The following SLMAP variants were observed in gnomAD, a reference collection of about 807,000 sequenced individuals.
The protein encoded by SLMAP is sarcolemmal membrane-associated protein.
A neutral mutation model predicts 128.8 loss-of-function variants in SLMAP; 44 were observed. The observed-to-expected ratio is 0.34, with a 90% confidence interval of 0.27 to 0.44. The LOEUF (loss-of-function observed/expected upper bound fraction) is 0.44. Among genes scored for constraint, SLMAP ranks in the 20% least tolerant of loss-of-function variants. The pLI is 1.00. For missense variants in SLMAP, 787 were observed against 985.3 expected (o/e 0.80, Z 2.69); for synonymous variants, 327 against 348.8 (o/e 0.94, Z 0.70).
intron 14 of SLMAP, among the ~76,000 whole-genome samples, chr3:57,887,675 A>C (rs2095933375): frequency 6.6e-6 from 1 of 152,218 alleles, no homozygotes; most frequent in Non-Finnish European, 1.5e-5. Flanking sequence ...CACAGCTTCT[A>C]GAGTTCCTGT....
chr3:57,860,962 G>T, intron 9 of SLMAP, 123 bp downstream of exon 9: 1 of 802,560 alleles, frequency 1.2e-6, no homozygotes, highest in East Asian at 3.2e-5. Flanking sequence ...TGTCTGTCAG[G>T]TGGGAAGGAA....
At chr3:57,921,664 G>A (rs763254508) in intron 22 of SLMAP, among the ~76,000 whole-genome samples, 2 of 152,066 alleles carry the variant, frequency 1.3e-5, no homozygotes, top group African/African-American at 2.4e-5. Context: ...AATTTCTACC[G>A]AAAACAGAAT....
intron 4 of SLMAP, among the ~76,000 whole-genome samples, chr3:57,844,218 C>T (rs1190417605): frequency 1.3e-5 from 2 of 152,120 alleles, no homozygotes; most frequent in East Asian, 3.9e-4. Flanking sequence ...CAGGGCAAAA[C>T]CCCGTCTCTA....
At chr3:57,922,836 C>T in intron 22 of SLMAP, 53 bp from the exon 23 acceptor site, 3 of 1,550,410 alleles carry the variant, frequency 1.9e-6, no homozygotes, top group Non-Finnish European at 1.8e-6. Flanking sequence ...AGAACCATAA[C>T]ATCATACCCA....
At chr3:57,795,744 AGTGTTGT>A (rs987326615) in intron 2 of SLMAP, among the ~76,000 whole-genome samples, 1 of 152,072 alleles carries the variant, frequency 6.6e-6, no homozygotes, top group Non-Finnish European at 1.5e-5. Flanking sequence ...GTACATTCAC[AGTGTTGT>A]GTAACTATAA....
At position 57,907,615 on chromosome 3, in the gene SLMAP, CTGTT is replaced by C. The variant is rs111846061; in HGVS notation, c.1502-267_1502-264del. Among the ~76,000 whole-genome samples the C allele has an allele frequency of 3.3e-3, 498 of 152,222 alleles. 3 individuals carry two copies. Among genetic ancestry groups the C allele is most frequent in the African/African-American group, 0.011 (470 of 41,526 alleles). On this transcript the variant is annotated intron_variant, in intron 17 of 24. Coordinates refer to ENST00000671191, the MANE Select transcript of SLMAP (RefSeq NM_001377540.1). ...GCAATGAGTTATAATCTGTCACTGTCTGTTTATTTTGATGCTAGAATTGTGAATA... is the reference window on the plus strand; with the variant it reads ...GCAATGAGTTATAATCTGTCACTGTCTATTTTGATGCTAGAATTGTGAATA...
At chr3:57,923,764 G>A (rs1299375972) in intron 23 of SLMAP, among the ~76,000 whole-genome samples, 2 of 152,170 alleles carry the variant, frequency 1.3e-5, no homozygotes, top group Non-Finnish European at 2.9e-5. Context: ...TCCTATGGAG[G>A]AAGCCACTTC....
At chr3:57,879,241 A>G (rs890786192) in intron 14 of SLMAP, among the ~76,000 whole-genome samples, 1 of 152,218 alleles carries the variant, frequency 6.6e-6, no homozygotes, top group Non-Finnish European at 1.5e-5. Flanking sequence ...TTAGTACATA[A>G]TTTATTTCTG....
intron 10 of SLMAP, among the ~76,000 whole-genome samples, chr3:57,863,535 C>T (rs558323591): frequency 6.6e-6 from 1 of 152,312 alleles, no homozygotes; most frequent in Non-Finnish European, 1.5e-5. Context: ...GTTCTGCAGG[C>T]TGAAGCTTCA....
At chr3:57,909,699 G>C (rs1226538139) in intron 19 of SLMAP, among the ~76,000 whole-genome samples, 2 of 151,002 alleles carry the variant, frequency 1.3e-5, no homozygotes, top group African/African-American at 2.4e-5. Flanking sequence ...TGCAACCTCC[G>C]CCTCCCAGGT....
At chr3:57,924,838 C>T (rs949403283) in intron 23 of SLMAP, among the ~76,000 whole-genome samples, 2 of 151,656 alleles carry the variant, frequency 1.3e-5, no homozygotes, top group Admixed American at 6.6e-5. Context: ...ATAACCATTG[C>T]TGAGGGAGTA....
At chr3:57,924,125 G>A (rs2096961498) in intron 23 of SLMAP, among the ~76,000 whole-genome samples, 1 of 152,104 alleles carries the variant, frequency 6.6e-6, no homozygotes, top group African/African-American at 2.4e-5. Context: ...AAGACATCTA[G>A]CATAATCAGA....
At chr3:57,910,905 A>G (rs917604033) in intron 19 of SLMAP, among the ~76,000 whole-genome samples, 2 of 152,174 alleles carry the variant, frequency 1.3e-5, no homozygotes, top group African/African-American at 4.8e-5. Context: ...GCAGAGAAAA[A>G]CTAGTCTTTG....
In SLMAP at chr3:57,896,908, C is replaced by T. The variant is rs756591941; in HGVS notation, c.1477C>T (p.Leu493Phe). The stretch of plus-strand genomic sequence containing the variant: ...GGATGAGCAAGACCTAAATGAGCCT[C>T]TTGCCAAAGTGTCCCTTTTAAAAGG... The part of the protein sequence containing the change: ...QMDEQDLNEP[L>F]AKVSLLKDDL... Residue 493 changes from leucine to phenylalanine, a missense_variant, in exon 17 of 25, where the codon CTT (leucine) becomes TTT (phenylalanine). Leu to Phe is a conservative substitution (Grantham distance 22). This residue lies in a region of SLMAP where 715 missense variants were observed against 843.6 expected (regional missense o/e 0.85). Coordinates refer to ENST00000671191, the MANE Select transcript of SLMAP (RefSeq NM_001377540.1). The T allele has an allele frequency of 2.5e-6, 4 of 1,612,818 alleles. No homozygotes were observed. The highest frequency in any genetic ancestry group is 3.4e-6 in the Non-Finnish European group (4 of 1,179,664).
intron 14 of SLMAP, among the ~76,000 whole-genome samples, chr3:57,879,900 A>G (rs2095688708): frequency 6.6e-6 from 1 of 151,828 alleles, no homozygotes; most frequent in Non-Finnish European, 1.5e-5. Context: ...CAGTGAGCCA[A>G]GATCATGCCA....
intron 2 of SLMAP, among the ~76,000 whole-genome samples, chr3:57,789,951 C>G (rs1194784848): frequency 6.6e-6 from 1 of 152,152 alleles, no homozygotes; most frequent in Admixed American, 6.5e-5. Context: ...ATTCTCCTGC[C>G]TCAGCCTCCC....
intron 2 of SLMAP, among the ~76,000 whole-genome samples, chr3:57,788,395 G>GT (rs1399179470): frequency 6.8e-6 from 1 of 146,778 alleles, no homozygotes; most frequent in African/African-American, 2.8e-5. Context: ...AAGGGGACTT[G>GT]TAGAGTGATT....
chr3:57,821,563 T>G (rs1384853386), intron 2 of SLMAP, among the ~76,000 whole-genome samples: 1 of 152,198 alleles, frequency 6.6e-6, no homozygotes, highest in Non-Finnish European at 1.5e-5. Flanking sequence ...ATAAATTAAT[T>G]AATGTTGAAC....
intron 13 of SLMAP, among the ~76,000 whole-genome samples, chr3:57,868,381 C>T (rs569081849): frequency 6.6e-6 from 1 of 151,948 alleles, no homozygotes; most frequent in Non-Finnish European, 1.5e-5. Context: ...AGCTCGAAAC[C>T]AGCCTGGGCA....
Sources: allele counts gnomAD v4.1 joint callset (sites outside exome capture counted in the v4.1 genomes callset), GRCh38; gene constraint gnomAD v4.1.1; regional missense constraint gnomAD v4.1.1; transcripts MANE v1.5; gene names NCBI Gene and HGNC (gene_info 2026-07-23, HGNC 2026-07-21).